Variants in SUFU observed in about 807,000 individuals in gnomAD.
The protein encoded by SUFU is suppressor of fused homolog.
Under a neutral mutation model 58.9 loss-of-function variants are expected in SUFU, and 7 were observed. The observed-to-expected ratio is 0.12, with a 90% CI of 0.07 to 0.22. The LOEUF (loss-of-function observed/expected upper bound fraction) is 0.22, where lower values mean the gene tolerates loss of function less well. Ranked by LOEUF, SUFU falls within the 10% of genes least tolerant of loss-of-function variation. The probability of loss-of-function intolerance (pLI) is 1.00; values close to 1 mark genes in which losing one functional copy is unlikely to be tolerated. For missense variants in SUFU, 451 were observed against 641.3 expected, an observed-to-expected ratio of 0.70 and a Z score of 3.20; for synonymous variants, 232 against 254.8, an observed-to-expected ratio of 0.91 and a Z score of 0.85.
chr10:102,582,773 T>G (rs2063296192), intron 3 of SUFU, among the ~76,000 whole-genome samples: 1 of 152,120 alleles, frequency 6.6e-6, no homozygotes, highest in Admixed American at 6.6e-5. Context: ...GAGGGAGGTT[T>G]CTCCTGGTAC....
intron 3 of SUFU, among the ~76,000 whole-genome samples, chr10:102,586,529 C>T (rs935488023): frequency 3.3e-5 from 5 of 152,040 alleles, no homozygotes; most frequent in Non-Finnish European, 7.4e-5. Context: ...AAAAATTAGC[C>T]GGGCATGGTG....
At position 102,633,525 on chromosome 10, in the gene SUFU, G is replaced by A. The variant is rs181335741; in HGVS notation, c.*3370G>A. On this transcript the variant is annotated 3_prime_UTR_variant, in exon 12 of 12. Coordinates refer to ENST00000369902, the MANE Select transcript of SUFU (RefSeq NM_016169.4). ...CCGGAAGCCCGGGGCCCTGGCAGAG[G>A]GAGTGGGTTGTTGTTAGCCACTTAG... The A allele has an allele frequency of 4.4e-5, 9 of 205,802 alleles. No individual in the cohort carries two copies. In the East Asian group the frequency reaches 6.7e-4, roughly 15 times the overall value. The allele number at this position is 205,802 out of a possible 1,614,324, so 12.7% of individuals were successfully genotyped here.
At chr10:102,580,223 C>G (rs1356556517) in intron 3 of SUFU, among the ~76,000 whole-genome samples, 1 of 152,110 alleles carries the variant, frequency 6.6e-6, no homozygotes, top group African/African-American at 2.4e-5. Flanking sequence ...GGCAGGGGTG[C>G]GAAATTCTGT....
chr10:102,532,620 T>C (rs1314937135), intron 2 of SUFU, among the ~76,000 whole-genome samples: 1 of 152,064 alleles, frequency 6.6e-6, no homozygotes, highest in Non-Finnish European at 1.5e-5. Context: ...CAGTGGGGAA[T>C]GGAAGGGCAA....
rs765143286 is a variant in SUFU, at chr10:102,515,960, G to A, written c.317+6657G>A. Among the ~76,000 whole-genome samples the A allele has an allele frequency of 1.2e-4, 18 of 152,084 alleles. No homozygotes were observed. In the East Asian group the frequency reaches 1.4e-3, roughly 11 times the overall value. ...CTGGACCACCAAGCAAGCGTGAGGCGTCCTTTGTCACGGCCCAGTGTGGGG... is the reference window on the plus strand; with the variant it reads ...CTGGACCACCAAGCAAGCGTGAGGCATCCTTTGTCACGGCCCAGTGTGGGG... On this transcript the variant is annotated intron_variant, in intron 2 of 11. Coordinates refer to ENST00000369902, the MANE Select transcript of SUFU (RefSeq NM_016169.4).
chr10:102,582,157 A>G (rs1421654530), intron 3 of SUFU, among the ~76,000 whole-genome samples: 1 of 152,204 alleles, frequency 6.6e-6, no homozygotes, highest in Admixed American at 6.5e-5. Context: ...CTGGGCTCCC[A>G]AAGGGAACAT....
chr10:102,588,738 T>C (rs2063362589), intron 3 of SUFU, among the ~76,000 whole-genome samples: 2 of 152,188 alleles, frequency 1.3e-5, no homozygotes, highest in Non-Finnish European at 2.9e-5. Context: ...CACTAAGTCT[T>C]CCGATCCATG....
chr10:102,566,790 G>C (rs2063094925), intron 3 of SUFU, among the ~76,000 whole-genome samples: 1 of 130,202 alleles, frequency 7.7e-6, no homozygotes, highest in East Asian at 2.4e-4. Context: ...AAAAAGTACA[G>C]AAATTAGCCG....
intron 8 of SUFU, among the ~76,000 whole-genome samples, chr10:102,612,211 A>ACG (rs1430009478): frequency 2.1e-5 from 2 of 97,434 alleles, no homozygotes; most frequent in African/African-American, 7.2e-5. Flanking sequence ...GTGTGTGTGC[A>ACG]CGCGCATGTG....
chr10:102,542,575 C>T (rs1022952945), intron 2 of SUFU, among the ~76,000 whole-genome samples: 1 of 151,334 alleles, frequency 6.6e-6, no homozygotes, highest in Non-Finnish European at 1.5e-5. Context: ...ATGCCTGGCT[C>T]CTATCTTCCT....
rs2135939101 is a variant in SUFU, at chr10:102,619,011, G to A, written c.1296+1583G>A. 6.3e-7 allele frequency: 1 copy of A among 1,578,354 alleles called. No homozygotes were observed. The highest frequency in any genetic ancestry group is 8.7e-7 in the Non-Finnish European group (1 of 1,151,354). ...CAAGCACGTTTTCCTGGGACAGTCG[G>A]GACTGGGGCCTCCCCAAACTGCAGA... On this transcript the variant is annotated intron_variant, in intron 10 of 11. Transcript: ENST00000369902. This position sits in a 1 kb window ranked among gnomAD's most constrained non-coding sequence, Gnocchi z 4.2.
At chr10:102,504,590 C>T (rs572250033) in intron 1 of SUFU, among the ~76,000 whole-genome samples, 1 of 138,414 alleles carries the variant, frequency 7.2e-6, no homozygotes, top group East Asian at 2.1e-4. Flanking sequence ...TGTGTAGGAG[C>T]AGAGGGGGGA....
chr10:102,531,205 C>T (rs1026554468), intron 2 of SUFU, among the ~76,000 whole-genome samples: 4 of 152,018 alleles, frequency 2.6e-5, no homozygotes, highest in Admixed American at 2.0e-4. Context: ...CAGTGAGTCA[C>T]GATCATGCCA....
intron 2 of SUFU, among the ~76,000 whole-genome samples, chr10:102,516,338 TG>T (rs2062470166): frequency 1.3e-5 from 2 of 152,002 alleles, no homozygotes; most frequent in Admixed American, 1.3e-4. Flanking sequence ...CCTCCCAAAG[TG>T]CTGGGATTTC....
At chr10:102,544,128 C>T (rs2062830895) in intron 2 of SUFU, among the ~76,000 whole-genome samples, 1 of 151,994 alleles carries the variant, frequency 6.6e-6, no homozygotes, top group African/African-American at 2.4e-5. Flanking sequence ...TGGAGTTATA[C>T]AGACTTCAAG....
At chr10:102,503,931 C>T, upstream of SUFU, 2 of 557,082 alleles carry the variant, frequency 3.6e-6, no homozygotes, top group Non-Finnish European at 5.9e-6. Flanking sequence ...GCCGGCGCCC[C>T]GCCCCCCTTA....
chr10:102,555,858 T>A (rs962505761), intron 3 of SUFU, among the ~76,000 whole-genome samples: 2 of 152,224 alleles, frequency 1.3e-5, no homozygotes, highest in African/African-American at 4.8e-5. Flanking sequence ...ATATGTACTG[T>A]ACAGAACGTG....
At chr10:102,555,262 C>T (rs1171039861) in intron 3 of SUFU, among the ~76,000 whole-genome samples, 6 of 94,726 alleles carry the variant, frequency 6.3e-5, no homozygotes, top group South Asian at 4.5e-4. Context: ...AGTGAGACTC[C>T]GTCTCACAAA....
chr10:102,564,491 C>T (rs2063068423), intron 3 of SUFU, among the ~76,000 whole-genome samples: 1 of 152,140 alleles, frequency 6.6e-6, no homozygotes, highest in South Asian at 2.1e-4. Flanking sequence ...CACCACCACA[C>T]CCGGCTAATT....
Sources: allele counts gnomAD v4.1 joint callset (sites outside exome capture counted in the v4.1 genomes callset), GRCh38; gene constraint gnomAD v4.1.1; non-coding constraint Gnocchi (gnomAD v3.1); transcripts MANE v1.5; gene names NCBI Gene and HGNC (gene_info 2026-07-23, HGNC 2026-07-21).